ZBED6: variants seen among roughly 807,000 people sequenced by gnomAD.
ZBED6 encodes the protein zinc finger BED-type containing 6.
In ZBED6, 40 loss-of-function variants were observed where a neutral mutation model predicts 58.4. The ratio of observed to expected loss-of-function variants is 0.68; its 90% CI spans 0.53 to 0.89. The LOEUF is 0.89. ZBED6 is among the 40% of genes least tolerant of loss of function. The pLI is 0.00. For synonymous variants in ZBED6, 439 were observed against 350.6 expected (o/e 1.25, Z -2.82); for missense variants, 1,057 against 1,003.9 (o/e 1.05, Z -0.71).
chr1:203,816,896 A>G (rs1676566078), intron 1 of ZBED6, 30 bp from the exon 2 acceptor site: 8 of 516,668 alleles, frequency 1.5e-5, no homozygotes, highest in East Asian at 9.6e-5. Context: ...TTTACCTGAA[A>G]TATTTTAATT....
chr1:203,840,619 T>TATTG (rs1461354428), intron 11 of ZBED6, among the ~76,000 whole-genome samples: 1 of 150,776 alleles, frequency 6.6e-6, no homozygotes, highest in Non-Finnish European at 1.5e-5. Context: ...TTTATTTATT[T>TATTG]ATTTATTTAT....
intron 3 of ZBED6, among the ~76,000 whole-genome samples, chr1:203,819,872 A>T (rs775280189): frequency 3.0e-4 from 45 of 151,696 alleles, no homozygotes; most frequent in Non-Finnish European, 5.3e-4. Flanking sequence ...ACATTGATAT[A>T]TTACCATCGT....
intron 10 of ZBED6, among the ~76,000 whole-genome samples, chr1:203,838,917 T>C (rs1048042003): frequency 7.2e-6 from 1 of 138,918 alleles, no homozygotes; most frequent in Non-Finnish European, 1.5e-5. Context: ...CAGTCACCAC[T>C]GCACTCCAGC....
At chr1:203,844,172 A>T (rs1402793864) in intron 11 of ZBED6, among the ~76,000 whole-genome samples, 3 of 143,638 alleles carry the variant, frequency 2.1e-5, no homozygotes, top group Non-Finnish European at 4.6e-5. Context: ...TTTTATTTTT[A>T]TTTTTGTTTG....
At chr1:203,820,385 A>T (rs1678154618) in intron 3 of ZBED6, among the ~76,000 whole-genome samples, 2 of 151,848 alleles carry the variant, frequency 1.3e-5, no homozygotes, top group South Asian at 4.2e-4. Flanking sequence ...TGTTTTTAAG[A>T]ATGTTCTTCA....
rs768339599 is a variant in ZBED6 at position 203,840,286 on chromosome 1, G to GA, written c.*3673-16dup. The GA allele has an allele frequency of 6.8e-6, 11 of 1,607,620 alleles. No homozygotes were observed. Among genetic ancestry groups the GA allele is most frequent in the Non-Finnish European group, 9.3e-6 (11 of 1,176,768 alleles). ...AGTTTCTGTTCAACTTTTGATTTTT[G>GA]AAAATCTTTCTTTTCACAGCTCAAG... On this transcript the variant is annotated intron_variant, in intron 10 of 16. Coordinates refer to ENST00000550078, the Ensembl canonical transcript of ZBED6.
At chr1:203,805,259 G>A (rs1159576433) in intron 1 of ZBED6, among the ~76,000 whole-genome samples, 2 of 150,190 alleles carry the variant, frequency 1.3e-5, no homozygotes, top group African/African-American at 4.9e-5. Flanking sequence ...TCAGTCTCCC[G>A]AGAGTAGGAC....
intron 9 of ZBED6, among the ~76,000 whole-genome samples, chr1:203,837,205 C>T (rs546878682): frequency 2.0e-5 from 3 of 150,978 alleles, no homozygotes; most frequent in African/African-American, 7.3e-5. Flanking sequence ...GTGGGAGGAT[C>T]GCTTGAGCCT....
intron 14 of ZBED6, 155 bp downstream of exon 14, chr1:203,850,181 G>T: frequency 1.4e-6 from 1 of 718,230 alleles, no homozygotes; most frequent in African/African-American, 1.8e-5. Flanking sequence ...TTATACAGAG[G>T]CAAAACGAGA....
chr1:203,820,500 CAG>C (rs1350568748), intron 3 of ZBED6, among the ~76,000 whole-genome samples: 7 of 113,282 alleles, frequency 6.2e-5, no homozygotes, highest in Admixed American at 6.1e-4. Flanking sequence ...TGAGTTGAGA[CAG>C]AGTCTCGCGC....
chr1:203,841,456 G>C (rs1268658952), intron 11 of ZBED6, among the ~76,000 whole-genome samples: 1 of 152,206 alleles, frequency 6.6e-6, no homozygotes, highest in Non-Finnish European at 1.5e-5. Context: ...ATGTTTCAGA[G>C]AGCACGGGGT....
At chr1:203,807,399 CGT>C (rs1459654770) in intron 1 of ZBED6, among the ~76,000 whole-genome samples, 1 of 151,736 alleles carries the variant, frequency 6.6e-6, no homozygotes, top group African/African-American at 2.4e-5. Context: ...CTTCCTCCAG[CGT>C]CAGCCCCCTG....
chr1:203,812,268 C>T (rs982069271), intron 1 of ZBED6, among the ~76,000 whole-genome samples: 2 of 152,144 alleles, frequency 1.3e-5, no homozygotes, highest in African/African-American at 2.4e-5. Context: ...GATCCTCTCC[C>T]TCCTCCCACC....
chr1:203,834,353 C>T (rs113351522), intron 9 of ZBED6, among the ~76,000 whole-genome samples: 23,168 of 152,158 alleles, frequency 0.15, 2,219 homozygotes, highest in Middle Eastern at 0.24. Context: ...CTCACTGCAA[C>T]CTCCACCTCC....
At chr1:203,804,952 C>T (rs559725873) in intron 1 of ZBED6, among the ~76,000 whole-genome samples, 1 of 151,712 alleles carries the variant, frequency 6.6e-6, no homozygotes, top group Middle Eastern at 3.5e-3. Flanking sequence ...GGATTACAGG[C>T]GTGAGCTATT....
At chr1:203,847,385 A>G (rs1688181973) in exon 12 of ZBED6, 1 of 1,614,000 alleles carries the variant, frequency 6.2e-7, no homozygotes, top group Non-Finnish European at 8.5e-7. Context: ...GAAAAAAAAC[A>G]TCGGCAGCAG....
chr1:203,804,014 TG>T (rs1671332336), intron 1 of ZBED6, among the ~76,000 whole-genome samples: 1 of 152,208 alleles, frequency 6.6e-6, no homozygotes, highest in African/African-American at 2.4e-5. Flanking sequence ...CATTATTTTT[TG>T]GGGAGAAGTA....
chr1:203,827,125 T>C (rs758586116), intron 3 of ZBED6, among the ~76,000 whole-genome samples: 1 of 152,234 alleles, frequency 6.6e-6, no homozygotes, highest in African/African-American at 2.4e-5. Context: ...CAATGGTTTA[T>C]TCCTTCTCAT....
rs1682066696 is a variant in ZBED6, at chr1:203,830,925, A to ATTTTAT, written c.*3399+726_*3399+727insATTTTT. 5.8e-5 allele frequency among the ~76,000 whole-genome samples: 3 copies of ATTTTAT among 51,352 alleles called. 1 individual carries two copies. Among genetic ancestry groups the ATTTTAT allele is most frequent in the African/African-American group, 2.1e-4 (3 of 14,060 alleles). The allele number at this position is 51,352 out of a possible 152,430, so 33.7% of individuals were successfully genotyped here. On this transcript the variant is annotated intron_variant, in intron 7 of 16. Transcript: ENST00000550078. ...GATTGCTCTGTATTTCCAACCCCCA[A>ATTTTAT]TTTTTTTTTTTTTTTTTTTTTTTTT...
Sources: gnomAD v4.1 joint callset for allele counts (sites outside exome capture counted in the v4.1 genomes callset) on GRCh38, gnomAD v4.1.1 for gene constraint, MANE v1.5 for transcripts, NCBI Gene and HGNC (gene_info 2026-07-23, HGNC 2026-07-21) for gene names.